The following ADAMTS17 variants were observed in gnomAD, a reference collection of about 807,000 sequenced individuals.
ADAMTS17 encodes A disintegrin and metalloproteinase with thrombospondin motifs 17.
In ADAMTS17, 113 loss-of-function variants were observed where a neutral mutation model predicts 141.5. That is an observed-to-expected ratio of 0.80 (90% CI 0.69 to 0.93). The LOEUF is 0.93. ADAMTS17 is among the 40% of genes least tolerant of loss of function. The pLI, the probability that ADAMTS17 is intolerant of heterozygous loss-of-function variation, is 0.00. For missense variants in ADAMTS17, 1,659 were observed against 1,517.9 expected, an observed-to-expected ratio of 1.09 and a Z score of -1.54; for synonymous variants, 768 against 630.6, an observed-to-expected ratio of 1.22 and a Z score of -3.27.
At chr15:100,037,315 A>G (rs921965203) in intron 18 of ADAMTS17, among the ~76,000 whole-genome samples, 1 of 152,076 alleles carries the variant, frequency 6.6e-6, no homozygotes, top group Non-Finnish European at 1.5e-5. Flanking sequence ...TACCTTCTTT[A>G]GAGGAATGTC....
chr15:100,308,084 C>T lies in ADAMTS17; in HGVS notation c.616+22805G>A, dbSNP rs563241074. Among the ~76,000 whole-genome samples, 4 of 152,322 alleles carry T rather than the reference C, an allele frequency of 2.6e-5. No homozygotes were observed. The South Asian group carries it at 6.2e-4, about 24-fold the overall frequency. On this transcript the variant is annotated intron_variant, in intron 3 of 21. Coordinates refer to ENST00000268070, the MANE Select transcript of ADAMTS17 (RefSeq NM_139057.4). The stretch of plus-strand genomic sequence containing the variant: ...TCTACTTCATTTAAAATTTGACCCA[C>T]TTTACAGAAGTCTCACTTTTTAAAA...
chr15:100,217,050 T>C (rs2041990510), intron 7 of ADAMTS17, among the ~76,000 whole-genome samples: 1 of 152,186 alleles, frequency 6.6e-6, no homozygotes, highest in Non-Finnish European at 1.5e-5. Flanking sequence ...TGATATTAAA[T>C]TTATAACTAG....
At chr15:100,244,918 C>T (rs1438409254) in intron 7 of ADAMTS17, among the ~76,000 whole-genome samples, 1 of 152,166 alleles carries the variant, frequency 6.6e-6, no homozygotes, top group Admixed American at 6.5e-5. Context: ...ATTTATGATT[C>T]TACTCCCCCT....
rs1471354281 is a variant in ADAMTS17 at position 99,974,355 on chromosome 15, G to C, written c.*47C>G. 1.9e-6 allele frequency: 3 copies of C among 1,612,536 alleles called. No individual in the cohort carries two copies. Among genetic ancestry groups the C allele is most frequent in the Non-Finnish European group, 2.5e-6 (3 of 1,179,724 alleles). ...AGGCTGGTAGGCTTGCGGGTGGGTG[G>C]GTTTCAGACCTGAGTCTGAGCTTTG... On this transcript the variant is annotated 3_prime_UTR_variant, in exon 22 of 22. Transcript: ENST00000268070.
chr15:100,129,958 C>G (rs1406766693), intron 12 of ADAMTS17, among the ~76,000 whole-genome samples: 2 of 152,204 alleles, frequency 1.3e-5, no homozygotes, highest in Non-Finnish European at 2.9e-5. Flanking sequence ...GGCCAGAGGT[C>G]AAACTATTAA....
chr15:100,111,336 C>T (rs1425817524), intron 13 of ADAMTS17, among the ~76,000 whole-genome samples: 1 of 152,246 alleles, frequency 6.6e-6, no homozygotes, highest in Non-Finnish European at 1.5e-5. Flanking sequence ...GAAGGAATGA[C>T]TCATTTCCCG....
At chr15:100,331,086 G>A (rs780420511) in intron 2 of ADAMTS17, 32 bp from the exon 3 acceptor site, 18 of 1,613,284 alleles carry the variant, frequency 1.1e-5, no homozygotes, top group Middle Eastern at 1.6e-4. Context: ...ACGCGATGTC[G>A]GTCATCCTCA....
intron 18 of ADAMTS17, among the ~76,000 whole-genome samples, chr15:100,028,895 T>A (rs1234169487): frequency 1.3e-5 from 2 of 152,264 alleles, no homozygotes; most frequent in African/African-American, 2.4e-5. Flanking sequence ...ACTTTTAGCC[T>A]TAACAGGCAT....
chr15:100,189,809 C>T (rs573684274), intron 8 of ADAMTS17, among the ~76,000 whole-genome samples: 1 of 152,226 alleles, frequency 6.6e-6, no homozygotes, highest in Non-Finnish European at 1.5e-5. Context: ...TAGCAATCCA[C>T]CCGAATGCAA....
intron 16 of ADAMTS17, among the ~76,000 whole-genome samples, chr15:100,052,995 T>C (rs1024433627): frequency 6.6e-6 from 1 of 152,218 alleles, no homozygotes; most frequent in Non-Finnish European, 1.5e-5. Flanking sequence ...GAAAATCTTT[T>C]GGGTGTCAAC....
At chr15:100,266,236 T>C (rs2087573511) in intron 4 of ADAMTS17, among the ~76,000 whole-genome samples, 1 of 152,188 alleles carries the variant, frequency 6.6e-6, no homozygotes, top group South Asian at 2.1e-4. Flanking sequence ...TGCAATTTGT[T>C]CTTTAAAATA....
chr15:100,023,828 G>A (rs1273528499), intron 18 of ADAMTS17, among the ~76,000 whole-genome samples: 1 of 152,130 alleles, frequency 6.6e-6, no homozygotes, highest in Non-Finnish European at 1.5e-5. Flanking sequence ...GGCATCTTGG[G>A]CTATTCTCAC....
At chr15:100,280,877 C>A (rs373570455) in intron 4 of ADAMTS17, among the ~76,000 whole-genome samples, 4 of 152,266 alleles carry the variant, frequency 2.6e-5, no homozygotes, top group East Asian at 1.9e-4. Flanking sequence ...TTGTTCCCCC[C>A]GCTAGACTAT....
intron 18 of ADAMTS17, among the ~76,000 whole-genome samples, chr15:100,041,632 C>CTGCCAATGTCAGGGTCAGGTT (rs2031264537): frequency 6.6e-6 from 1 of 152,186 alleles, no homozygotes; most frequent in Admixed American, 6.5e-5. Flanking sequence ...TCTGCCATGC[C>CTGCCAATGTCAGGGTCAGGTT]TGCCAATGTC....
chr15:99,991,172 G>A (rs1043874061), intron 20 of ADAMTS17, among the ~76,000 whole-genome samples: 1 of 152,116 alleles, frequency 6.6e-6, no homozygotes, highest in African/African-American at 2.4e-5. Context: ...CTGACAAATG[G>A]GATCTAATTA....
chr15:100,075,688 C>CT (rs2034323573), intron 15 of ADAMTS17, among the ~76,000 whole-genome samples: 1 of 152,162 alleles, frequency 6.6e-6, no homozygotes, highest in African/African-American at 2.4e-5. Context: ...GTACACATAT[C>CT]TTTTTTCTGA....
intron 10 of ADAMTS17, among the ~76,000 whole-genome samples, chr15:100,149,757 A>G (rs188060354): frequency 1.3e-5 from 2 of 152,298 alleles, no homozygotes; most frequent in Non-Finnish European, 2.9e-5. Context: ...TGCTCTCACC[A>G]TTGCTCCATC....
intron 13 of ADAMTS17, among the ~76,000 whole-genome samples, 175 bp from the exon 14 acceptor site, chr15:100,109,291 G>T (rs552412532): frequency 8.6e-4 from 131 of 152,322 alleles, no homozygotes; most frequent in Middle Eastern, 3.4e-3. Context: ...ACAGCCACAG[G>T]GGAAGACAGT....
chr15:100,022,832 T>C (rs1017053754), intron 18 of ADAMTS17, among the ~76,000 whole-genome samples: 18 of 152,228 alleles, frequency 1.2e-4, no homozygotes, highest in Admixed American at 9.8e-4. Flanking sequence ...AGAAACCACG[T>C]CCGTAAGCCT....
Sources: gnomAD v4.1 joint callset for allele counts (sites outside exome capture counted in the v4.1 genomes callset) on GRCh38, gnomAD v4.1.1 for gene constraint, MANE v1.5 for transcripts, NCBI Gene and HGNC (gene_info 2026-07-23, HGNC 2026-07-21) for gene names.